YWHAQ: variants seen among roughly 807,000 people sequenced by gnomAD.
The protein encoded by YWHAQ is 14-3-3 protein theta.
YWHAQ carries 6 observed loss-of-function variants against 28.3 expected under a neutral mutation model. That is an observed-to-expected ratio of 0.21 (90% CI 0.12 to 0.42). YWHAQ has a LOEUF of 0.42. YWHAQ is among the 10% of genes least tolerant of loss of function. The probability of loss-of-function intolerance (pLI) is 1.00; values close to 1 mark genes in which losing one functional copy is unlikely to be tolerated. For missense variants in YWHAQ, 201 were observed against 305.6 expected, an observed-to-expected ratio of 0.66 and a Z score of 2.55; for synonymous variants, 143 against 119.1, an observed-to-expected ratio of 1.20 and a Z score of -1.31.
rs746377347 is a variant in YWHAQ at position 9,588,258 on chromosome 2, T to G, written c.489A>C (p.Thr163=). 6.2e-7 allele frequency: 1 copy of G among 1,609,664 alleles called. No homozygotes were observed. The highest frequency in any genetic ancestry group is 8.5e-7 in the Non-Finnish European group (1 of 1,178,992). Residue 163 remains threonine (T), a synonymous_variant, in exon 4 of 6, where the codon ACA becomes ACC. Coordinates refer to ENST00000238081, the MANE Select transcript of YWHAQ (RefSeq NM_006826.4). The part of the protein sequence containing the change: ...FDISKKEMQP[T]HPIRLGLALN... ...GAGCAAGCCCCAGGCGGATTGGGTG[T>G]GTGGGTTGCATCTCTTTCTTGCTTA... is the stretch of plus-strand genomic sequence containing the variant.
chr2:9,610,220 C>T (rs1363201381), intron 2 of YWHAQ, among the ~76,000 whole-genome samples: 27 of 152,178 alleles, frequency 1.8e-4, no homozygotes. Context: ...AGGTAAATGA[C>T]AAGACGACAT....
Position 9,630,456 on chromosome 2 carries a change from G to A in YWHAQ, c.-4C>T, listed in dbSNP as rs754157288. 1.3e-6 allele frequency: 2 copies of A among 1,593,504 alleles called. No individual in the cohort carries two copies. Among genetic ancestry groups the A allele is most frequent in the Admixed American group, 1.7e-5 (1 of 59,066 alleles). On this transcript the variant is annotated 5_prime_UTR_variant, in exon 2 of 6. Coordinates refer to ENST00000238081, the MANE Select transcript of YWHAQ (RefSeq NM_006826.4). The surrounding 1 kb of genome is among the most constrained non-coding windows in gnomAD (Gnocchi z 5.6). ...GGATCAGCTCAGTCTTCTCCATGGC[G>A]GGCGCGGGGCCGGGGCCGGGGCGGA... is the stretch of plus-strand genomic sequence containing the variant.
intron 3 of YWHAQ, among the ~76,000 whole-genome samples, chr2:9,589,463 A>C (rs1186300614): frequency 1.3e-5 from 2 of 152,140 alleles, no homozygotes; most frequent in Non-Finnish European, 2.9e-5. Flanking sequence ...GCATGCCTGT[A>C]ATCCCAGCTA....
intron 5 of YWHAQ, among the ~76,000 whole-genome samples, chr2:9,586,832 C>T (rs925982764): frequency 2.6e-5 from 4 of 152,070 alleles, no homozygotes; most frequent in Admixed American, 2.0e-4. Context: ...TTACTTGAAC[C>T]TACAAAAGAA....
chr2:9,589,168 G>A (rs1156985045), intron 3 of YWHAQ, among the ~76,000 whole-genome samples: 1 of 152,068 alleles, frequency 6.6e-6, no homozygotes, highest in Admixed American at 6.6e-5. Flanking sequence ...CATATAAACA[G>A]CTTAATGGAA....
intron 2 of YWHAQ, among the ~76,000 whole-genome samples, chr2:9,602,554 G>C (rs1160939572): frequency 6.6e-6 from 1 of 151,234 alleles, no homozygotes; most frequent in Non-Finnish European, 1.5e-5. Context: ...AGGAGTACAG[G>C]TGAGTCCCAC....
At chr2:9,621,815 A>G (rs77318302) in intron 2 of YWHAQ, among the ~76,000 whole-genome samples, 4,902 of 152,304 alleles carry the variant, frequency 0.032, 276 homozygotes, top group African/African-American at 0.11. Context: ...AAACTGGATC[A>G]AGAAAATGTG....
intron 2 of YWHAQ, among the ~76,000 whole-genome samples, chr2:9,622,326 C>T (rs1233797693): frequency 6.6e-6 from 1 of 152,090 alleles, no homozygotes; most frequent in Non-Finnish European, 1.5e-5. Context: ...AATGGAATCA[C>T]ATACACTATG....
chr2:9,601,612 C>T (rs1369425175), intron 2 of YWHAQ, among the ~76,000 whole-genome samples: 1 of 152,160 alleles, frequency 6.6e-6, no homozygotes, highest in African/African-American at 2.4e-5. Flanking sequence ...GAACCACACA[C>T]GTGATGCCAT....
At chr2:9,601,988 C>A (rs965213440) in intron 2 of YWHAQ, among the ~76,000 whole-genome samples, 2 of 152,016 alleles carry the variant, frequency 1.3e-5, no homozygotes, top group African/African-American at 2.4e-5. Flanking sequence ...GTCTATATAT[C>A]AAATGAACAG....
At chr2:9,610,909 T>C (rs1666934388) in intron 2 of YWHAQ, among the ~76,000 whole-genome samples, 1 of 152,206 alleles carries the variant, frequency 6.6e-6, no homozygotes, top group Admixed American at 6.5e-5. Flanking sequence ...TCAGTAGCCC[T>C]AGGCAGAAAC....
At chr2:9,604,579 C>T (rs1314044439) in intron 2 of YWHAQ, among the ~76,000 whole-genome samples, 1 of 152,116 alleles carries the variant, frequency 6.6e-6, no homozygotes, top group African/African-American at 2.4e-5. Context: ...TCCAGTCAGG[C>T]CTCCCTATCA....
rs562535924 is a variant in YWHAQ at position 9,602,156 on chromosome 2, G to A, written c.295-10641C>T. On this transcript the variant is annotated intron_variant, in intron 2 of 5. Transcript: ENST00000238081. Reference sequence around the variant, plus strand: ...ATATAATAACTCCTGGCCAGGTGTGGTGGCTCATGCCTAAAATTCCGGCAC... The same window carrying A: ...ATATAATAACTCCTGGCCAGGTGTGATGGCTCATGCCTAAAATTCCGGCAC... 1.4e-4 allele frequency among the ~76,000 whole-genome samples: 21 copies of A among 152,152 alleles called. 1 individual carries two copies. The South Asian group carries it at 3.7e-3, about 27-fold the overall frequency.
chr2:9,613,994 G>A (rs1297326938), intron 2 of YWHAQ, among the ~76,000 whole-genome samples: 1 of 152,190 alleles, frequency 6.6e-6, no homozygotes, highest in African/African-American at 2.4e-5. Context: ...GAAAATCAGA[G>A]TGTTTGTTCC....
intron 2 of YWHAQ, among the ~76,000 whole-genome samples, chr2:9,605,068 C>G (rs568985100): frequency 2.0e-5 from 3 of 151,010 alleles, no homozygotes. Context: ...TGATCAAAGT[C>G]ATAATGTGTA....
chr2:9,608,873 C>G (rs76140442), intron 2 of YWHAQ, among the ~76,000 whole-genome samples: 6,529 of 152,142 alleles, frequency 0.043, 204 homozygotes, highest in Middle Eastern at 0.085. Context: ...CCAGGAGGTA[C>G]AGGTTTGCAG....
chr2:9,584,485 A>G lies in YWHAQ; in HGVS notation c.*801T>C, dbSNP rs1249584660. 7.1e-6 allele frequency: 1 copy of G among 140,228 alleles called. No homozygotes were observed. The highest frequency in any genetic ancestry group is 1.5e-5 in the Non-Finnish European group (1 of 67,758). 8.7% of individuals were successfully genotyped at this position (140,228 alleles called of 1,614,324 possible). On this transcript the variant is annotated 3_prime_UTR_variant, in exon 6 of 6. Transcript: ENST00000238081. ...TTTTAGACTTGGACTTGTGTACTTTAATTTATTTCCCCTTTCTAGTGTATT... is the reference window on the plus strand; with the variant it reads ...TTTTAGACTTGGACTTGTGTACTTTGATTTATTTCCCCTTTCTAGTGTATT...
Position 9,591,412 on chromosome 2 carries a change from G to C in YWHAQ, c.398C>G (p.Ala133Gly). 6.2e-7 allele frequency: 1 copy of C among 1,610,812 alleles called. No individual in the cohort carries two copies. Among genetic ancestry groups the C allele is most frequent in the East Asian group, 2.2e-5 (1 of 44,840 alleles). ...CTTACGTTTTCGATCATCACCACAC[G>C]CAACTTCAGCAAGGTACCGGAAGTA... ...GDYFRYLAEV[A>G]CGDDRKQTID... The change falls in exon 3 of 6, where the codon GCG becomes GGG. Residue 133 changes from alanine to glycine, a missense_variant. Coordinates refer to ENST00000238081, the MANE Select transcript of YWHAQ (RefSeq NM_006826.4).
chr2:9,611,050 T>C (rs1158096684), intron 2 of YWHAQ, among the ~76,000 whole-genome samples: 1 of 152,162 alleles, frequency 6.6e-6, no homozygotes, highest in Non-Finnish European at 1.5e-5. Flanking sequence ...CAAGTAAGCA[T>C]AGTATACTTT....
Sources: gnomAD v4.1 joint callset for allele counts (sites outside exome capture counted in the v4.1 genomes callset) on GRCh38, gnomAD v4.1.1 for gene constraint, Gnocchi (gnomAD v3.1) non-coding constraint, MANE v1.5 for transcripts, NCBI Gene and HGNC (gene_info 2026-07-23, HGNC 2026-07-21) for gene names.